The following KCNK12 variants were observed in gnomAD, a reference collection of about 807,000 sequenced individuals.
The protein encoded by KCNK12 is potassium two pore domain channel subfamily K member 12.
Under a neutral mutation model 25.3 loss-of-function variants are expected in KCNK12, and 6 were observed. That is an observed-to-expected ratio of 0.24 (90% CI 0.13 to 0.47). The LOEUF (loss-of-function observed/expected upper bound fraction) is 0.47, where lower values mean the gene tolerates loss of function less well. Ranked by LOEUF, KCNK12 falls within the 20% of genes least tolerant of loss-of-function variation. The probability of loss-of-function intolerance (pLI) is 0.99; values close to 1 mark genes in which losing one functional copy is unlikely to be tolerated. For missense variants in KCNK12, 444 were observed against 661.7 expected, an observed-to-expected ratio of 0.67 and a Z score of 3.61; for synonymous variants, 331 against 311.1, an observed-to-expected ratio of 1.06 and a Z score of -0.67.
At chr2:47,522,163 C>A (rs1218987328) in intron 1 of KCNK12, among the ~76,000 whole-genome samples, 1 of 152,168 alleles carries the variant, frequency 6.6e-6, no homozygotes, top group East Asian at 1.9e-4. Flanking sequence ...ACAAAGCCAA[C>A]AAGGGACACC....
Position 47,570,375 on chromosome 2 carries a change from G to C in KCNK12, c.-44C>G. ...GGGGCCGGGGCGGCGCTCGGGGCCC[G>C]GGCCACGACATCCCCCCGGCGGGAG... On this transcript the variant is annotated 5_prime_UTR_variant, in exon 1 of 2. Transcript: ENST00000327876. 8.2e-7 allele frequency: 1 copy of C among 1,215,214 alleles called. No individual in the cohort carries two copies. The highest frequency in any genetic ancestry group is 1.0e-6 in the Non-Finnish European group (1 of 978,520). The allele number at this position is 1,215,214 out of a possible 1,614,324, so 75.3% of individuals were successfully genotyped here.
At chr2:47,522,162 A>T (rs958374793) in intron 1 of KCNK12, among the ~76,000 whole-genome samples, 3 of 152,202 alleles carry the variant, frequency 2.0e-5, no homozygotes, top group Non-Finnish European at 4.4e-5. Flanking sequence ...CACAAAGCCA[A>T]CAAGGGACAC....
At chr2:47,535,334 G>T (rs1041865900) in intron 1 of KCNK12, 5 of 233,178 alleles carry the variant, frequency 2.1e-5, no homozygotes, top group African/African-American at 1.1e-4. Flanking sequence ...CAGCACCTCA[G>T]CACATGGGTC....
rs1558556592 is a variant in KCNK12, at chr2:47,540,818, G to T, written c.392-19010C>A. Among the ~76,000 whole-genome samples, 2 of 151,332 alleles carry T rather than the reference G, an allele frequency of 1.3e-5. No homozygotes were observed. The highest frequency in any genetic ancestry group is 6.6e-5 in the Admixed American group (1 of 15,220). ...AAACAAAAGCAAGCTGGGCATGGTG[G>T]CTCACACCTGTAGTTCCAGCTACTC... On this transcript the variant is annotated intron_variant, in intron 1 of 1. Transcript: ENST00000327876. The surrounding 1 kb of genome is among the most constrained non-coding windows in gnomAD (Gnocchi z 5.4).
At chr2:47,542,531 G>C (rs981136263) in intron 1 of KCNK12, among the ~76,000 whole-genome samples, 3 of 152,230 alleles carry the variant, frequency 2.0e-5, no homozygotes, top group Non-Finnish European at 4.4e-5. Context: ...TGGGAGCTCT[G>C]AGGGGAAGGT....
rs1371308251 is a variant in KCNK12 at position 47,513,912 on chromosome 2, A to G, written c.*6995T>C. ...TAGCACTACCTTGGTCCACCCTGCC[A>G]TCTGCTTTCCTCCTCCACTCCTGCA... is the stretch of plus-strand genomic sequence containing the variant. On this transcript the variant is annotated 3_prime_UTR_variant, in exon 2 of 2. Coordinates refer to ENST00000327876, the MANE Select transcript of KCNK12 (RefSeq NM_022055.2). Among the ~76,000 whole-genome samples, 1 of 152,158 alleles carries G rather than the reference A, an allele frequency of 6.6e-6. No individual in the cohort carries two copies. The highest frequency in any genetic ancestry group is 1.5e-5 in the Non-Finnish European group (1 of 68,026).
At chr2:47,564,728 T>A (rs866725082) in intron 1 of KCNK12, 17 of 172,632 alleles carry the variant, frequency 9.8e-5, no homozygotes, top group South Asian at 4.0e-4. Context: ...TACTATGGGC[T>A]AGGTCTGATG....
intron 1 of KCNK12, among the ~76,000 whole-genome samples, chr2:47,532,227 T>TA (rs70940695): frequency 0.46 from 67,386 of 145,310 alleles, 16,454 homozygotes; most frequent in African/African-American, 0.66. Flanking sequence ...GTAAATAGCA[T>TA]AAAAAAAAAA....
rs187690224 is a variant in KCNK12, at chr2:47,529,048, C to G, written c.392-7240G>C. On this transcript the variant is annotated intron_variant, in intron 1 of 1. Coordinates refer to ENST00000327876, the MANE Select transcript of KCNK12 (RefSeq NM_022055.2). This position sits in a 1 kb window ranked among gnomAD's most constrained non-coding sequence, Gnocchi z 4.3. ...CTGAGCTGGCCCTGAAGCCCATGCC[C>G]TTTCCACTTGCCAGACAGATGGGAA... The G allele has an allele frequency of 1.3e-5, 2 of 152,374 alleles. No homozygotes were observed. Among genetic ancestry groups the G allele is most frequent in the African/African-American group, 4.8e-5 (2 of 41,584 alleles). 9.4% of individuals were successfully genotyped at this position (152,374 alleles called of 1,614,324 possible). A position where few individuals can be genotyped will look rare whatever the true frequency, so the allele number is the denominator to read the frequency against.
rs1476578642 is a variant in KCNK12, at chr2:47,509,668, G to A, written c.*11239C>T. ...GTCAGAGAGCTAGGTGGCCAGGTTG[G>A]AGTTGATTGCCAATGATAGGTCTTT... is the stretch of plus-strand genomic sequence containing the variant. On this transcript the variant is annotated 3_prime_UTR_variant, in exon 2 of 2. Coordinates refer to ENST00000327876, the MANE Select transcript of KCNK12 (RefSeq NM_022055.2). Among the ~76,000 whole-genome samples, 1 of 152,226 alleles carries A rather than the reference G, an allele frequency of 6.6e-6. No individual in the cohort carries two copies. Among genetic ancestry groups the A allele is most frequent in the East Asian group, 1.9e-4 (1 of 5,200 alleles).
In KCNK12 at chr2:47,555,693, T is replaced by C. The variant is rs1669538076; in HGVS notation, c.391+14248A>G. 6.6e-6 allele frequency among the ~76,000 whole-genome samples: 1 copy of C among 151,238 alleles called. No individual in the cohort carries two copies. Among genetic ancestry groups the C allele is most frequent in the Non-Finnish European group, 1.5e-5 (1 of 67,718 alleles). On this transcript the variant is annotated intron_variant, in intron 1 of 1. Transcript: ENST00000327876. This position sits in a 1 kb window ranked among gnomAD's most constrained non-coding sequence, Gnocchi z 4.5. ...TAATCTGTCTTTTAATTCAGGGCCC[T>C]AGCGGCTGAAAATAAGAAAATGTAG...
chr2:47,546,821 G>A (rs17568609), intron 1 of KCNK12, among the ~76,000 whole-genome samples: 8,309 of 152,100 alleles, frequency 0.055, 345 homozygotes, highest in Middle Eastern at 0.11. Flanking sequence ...GGAAGGGCCC[G>A]AGAAGTTTCA....
rs950996567 is a variant in KCNK12, at chr2:47,570,392, CG to C, written c.-62del. 8.3e-7 allele frequency: 1 copy of C among 1,210,612 alleles called. No homozygotes were observed. The highest frequency in any genetic ancestry group is 1.6e-5 in the African/African-American group (1 of 62,920). 75.0% of individuals were successfully genotyped at this position (1,210,612 alleles called of 1,614,324 possible). On this transcript the variant is annotated 5_prime_UTR_variant, in exon 1 of 2. Transcript: ENST00000327876. ...CGGGGCCCGGGCCACGACATCCCCC[CG>C]GCGGGAGCAGGAGCGTGAGGATGGT... is the stretch of plus-strand genomic sequence containing the variant.
At chr2:47,544,483 G>A (rs570231633) in intron 1 of KCNK12, among the ~76,000 whole-genome samples, 31 of 152,312 alleles carry the variant, frequency 2.0e-4, no homozygotes, top group Admixed American at 1.4e-3. Flanking sequence ...ACCATTGTTC[G>A]CAGCGTTCCT....
intron 1 of KCNK12, among the ~76,000 whole-genome samples, chr2:47,544,329 C>G (rs761586691): frequency 6.6e-6 from 1 of 152,238 alleles, no homozygotes; most frequent in Non-Finnish European, 1.5e-5. Context: ...AGCAAGGCCT[C>G]ATAACCCAGG....
intron 1 of KCNK12, among the ~76,000 whole-genome samples, chr2:47,527,337 A>G (rs1286331909): frequency 6.6e-6 from 1 of 152,258 alleles, no homozygotes; most frequent in East Asian, 1.9e-4. Flanking sequence ...GCCATGGCCT[A>G]TCCCCTAAAG....
At chr2:47,567,042 C>T (rs1669799252) in intron 1 of KCNK12, 1 of 152,146 alleles carries the variant, frequency 6.6e-6, no homozygotes. Flanking sequence ...CAAAATACAG[C>T]CTGATACATA....
rs1455680102 is a variant in KCNK12, at chr2:47,557,478, G to A, written c.391+12463C>T. 6.6e-6 allele frequency among the ~76,000 whole-genome samples: 1 copy of A among 151,846 alleles called. No individual in the cohort carries two copies. Among genetic ancestry groups the A allele is most frequent in the Admixed American group, 6.6e-5 (1 of 15,232 alleles). ...TACCCAGTCTGTGATATTCTGTTAT[G>A]GAAGCAGAAAACAGACCAAGACAAG... On this transcript the variant is annotated intron_variant, in intron 1 of 1. Transcript: ENST00000327876. This position sits in a 1 kb window ranked among gnomAD's most constrained non-coding sequence, Gnocchi z 4.9.
intron 1 of KCNK12, among the ~76,000 whole-genome samples, chr2:47,553,401 T>C (rs1284978008): frequency 1.2e-4 from 18 of 152,206 alleles, no homozygotes; most frequent in Admixed American, 1.1e-3. Context: ...ATAAGCTGTT[T>C]TTTTTGGTGG....
Sources: allele counts gnomAD v4.1 joint callset (sites outside exome capture counted in the v4.1 genomes callset), GRCh38; gene constraint gnomAD v4.1.1; non-coding constraint Gnocchi (gnomAD v3.1); transcripts MANE v1.5; gene names NCBI Gene and HGNC (gene_info 2026-07-23, HGNC 2026-07-21).